Variants in LRP2 observed in about 807,000 individuals in gnomAD.
The protein encoded by LRP2 is LDL receptor related protein 2, also known as low-density lipoprotein receptor-related protein 2.
A neutral mutation model predicts 531.0 loss-of-function variants in LRP2; 172 were observed. That is an observed-to-expected ratio of 0.32 (90% confidence interval 0.29 to 0.37). The LOEUF (loss-of-function observed/expected upper bound fraction) is 0.37, where lower values mean the gene tolerates loss of function less well. LRP2 is among the 10% of genes least tolerant of loss of function. The pLI, the probability that LRP2 is intolerant of heterozygous loss-of-function variation, is 1.00. For synonymous variants in LRP2, 1,992 were observed against 2,027.6 expected (o/e 0.98, Z 0.47); for missense variants, 5,167 against 5,868.3 (o/e 0.88, Z 3.90).
intron 43 of LRP2, 148 bp from the exon 44 acceptor site, chr2:169,202,018 A>C: frequency 5.2e-6 from 5 of 953,202 alleles, no homozygotes; most frequent in Non-Finnish European, 7.9e-6. Flanking sequence ...AAAGTGAGAT[A>C]ACACTTTTAA....
In LRP2 at chr2:169,188,063, C is replaced by T. The variant is rs150220973; in HGVS notation, c.9235G>A (p.Glu3079Lys). The change falls in exon 49 of 79, where the codon GAG (glutamate) becomes AAG (lysine). Residue 3079 changes from glutamate to lysine, a missense_variant. Physicochemically the swap from Glu to Lys is moderately conservative, Grantham distance 56 (BLOSUM62 1). Coordinates refer to ENST00000649046, the MANE Select transcript of LRP2 (RefSeq NM_004525.3). ...CAGCGCCCATTGTCACACTTGAACT[C>T]GTGAGGTGGACACGTGGGTTCTGGG... The part of the protein sequence containing the change: ...HTPEPTCPPH[E>K]FKCDNGRCIE... 3 of 1,614,118 alleles carry T rather than the reference C, an allele frequency of 1.9e-6. No homozygotes were observed. Among genetic ancestry groups the T allele is most frequent in the Non-Finnish European group, 2.5e-6 (3 of 1,180,010 alleles).
intron 31 of LRP2, among the ~76,000 whole-genome samples, chr2:169,231,058 C>T (rs1343443841): frequency 2.0e-5 from 3 of 152,050 alleles, no homozygotes; most frequent in African/African-American, 7.2e-5. Flanking sequence ...CTTTGGGAGG[C>T]TAAGGCAAGT....
chr2:169,162,371 T>G, intron 63 of LRP2, 101 bp downstream of exon 63: 5 of 1,375,790 alleles, frequency 3.6e-6, no homozygotes, highest in Non-Finnish European at 5.1e-6. Context: ...AAAAGTACAT[T>G]AAGGAGAAAA....
intron 3 of LRP2, among the ~76,000 whole-genome samples, chr2:169,310,759 A>T (rs556637502): frequency 6.9e-4 from 105 of 152,150 alleles, no homozygotes; most frequent in African/African-American, 2.5e-3. Flanking sequence ...TTGATTGGAA[A>T]AGTTTCAGAA....
At chr2:169,308,255 G>T (rs188956192) in intron 3 of LRP2, among the ~76,000 whole-genome samples, 124 of 151,624 alleles carry the variant, frequency 8.2e-4, no homozygotes, top group African/African-American at 2.9e-3. Context: ...TTAAGTTCTG[G>T]GGTACATGTG....
At position 169,166,048 on chromosome 2, in the gene LRP2, A is replaced by G; in HGVS notation, c.11642T>C (p.Val3881Ala). The G allele has an allele frequency of 6.2e-7, 1 of 1,614,064 alleles. No homozygotes were observed. The highest frequency in any genetic ancestry group is 2.2e-5 in the East Asian group (1 of 44,876). ...GAAACGGTTTGGTGAATTACAGGGA[A>G]CATCCACTGAAAGGAAAGATAGAAA... ...SDEELHLCLD[V>A]PCNSPNRFRC... Residue 3881 changes from valine (V) to alanine (A), a missense_variant, in exon 62 of 79, where the codon GTT becomes GCT. By Grantham distance (64) the Val-to-Ala change is moderately conservative. Coordinates refer to ENST00000649046, the MANE Select transcript of LRP2 (RefSeq NM_004525.3).
chr2:169,240,927 G>A (rs751532032), intron 25 of LRP2, 61 bp downstream of exon 25: 7 of 1,587,716 alleles, frequency 4.4e-6, no homozygotes, highest in South Asian at 4.4e-5. Flanking sequence ...CAATGGTGAT[G>A]CACACCAGGC....
intron 76 of LRP2, among the ~76,000 whole-genome samples, chr2:169,135,234 T>C (rs572055335): frequency 9.2e-5 from 14 of 152,088 alleles, no homozygotes; most frequent in East Asian, 1.9e-4. Context: ...ATTCTACTAC[T>C]CCTCAGGAAT....
Position 169,235,622 on chromosome 2 carries a change from C to T in LRP2, c.4920+218G>A, listed in dbSNP as rs75486331. ...ATCACACGAGCTATAAAAATCCTTC[C>T]TGGATATGGCACAAGCTGACCATGA... On this transcript the variant is annotated intron_variant, in intron 29 of 78. Coordinates refer to ENST00000649046, the MANE Select transcript of LRP2 (RefSeq NM_004525.3). Among the ~76,000 whole-genome samples, 2,681 of 152,270 alleles carry T rather than the reference C, an allele frequency of 0.018. 75 individuals carry two copies. The highest frequency in any genetic ancestry group is 0.061 in the African/African-American group (2,551 of 41,520).
chr2:169,227,619 T>C (rs776370552), intron 31 of LRP2, among the ~76,000 whole-genome samples: 1 of 152,150 alleles, frequency 6.6e-6, no homozygotes, highest in African/African-American at 2.4e-5. Context: ...AAGCTAAAAA[T>C]GATGTTTTCA....
At chr2:169,297,436 A>C (rs1684159039) in intron 4 of LRP2, among the ~76,000 whole-genome samples, 1 of 152,180 alleles carries the variant, frequency 6.6e-6, no homozygotes, top group Non-Finnish European at 1.5e-5. Flanking sequence ...AAGAACACCA[A>C]GGAAACTCTT....
At chr2:169,165,597 TATTA>T in intron 62 of LRP2, among the ~76,000 whole-genome samples, 1 of 152,350 alleles carries the variant, frequency 6.6e-6, no homozygotes, top group Non-Finnish European at 1.5e-5. Context: ...AAAAATAAAC[TATTA>T]ATTTGCGAGG....
intron 68 of LRP2, among the ~76,000 whole-genome samples, chr2:169,149,175 C>T (rs961586470): frequency 1.3e-5 from 2 of 152,152 alleles, no homozygotes; most frequent in African/African-American, 4.8e-5. Context: ...ATCCTTTGTA[C>T]AATTCAAATG....
At position 169,270,887 on chromosome 2, in the gene LRP2, A is replaced by C; in HGVS notation, c.2320+17T>G. 1 of 1,609,924 alleles carries C rather than the reference A, an allele frequency of 6.2e-7. No homozygotes were observed. The highest frequency in any genetic ancestry group is 8.5e-7 in the Non-Finnish European group (1 of 1,177,084). On this transcript the variant is annotated intron_variant, in intron 16 of 78. Transcript: ENST00000649046. ...AACACGCATACACACACACACACAC[A>C]CACAAACCTTTCTCACCTGTGCCAT...
rs1322233475 is a variant in LRP2, at chr2:169,290,924, G to A, written c.843C>T (p.Ser281=). ...WSCPESGRCI[S]IYKVCDGILD... ...AAATCCCATCACAAACTTTATAAATGGAGATGCATCGTCCCGACTCTGGGC... is the reference window on the plus strand; with the variant it reads ...AAATCCCATCACAAACTTTATAAATAGAGATGCATCGTCCCGACTCTGGGC... Residue 281 remains serine (S), a synonymous_variant, in exon 8 of 79, where the codon TCC becomes TCT. Transcript: ENST00000649046. 10 of 1,613,956 alleles carry A rather than the reference G, an allele frequency of 6.2e-6. No individual in the cohort carries two copies. Among genetic ancestry groups the A allele is most frequent in the Non-Finnish European group, 8.5e-6 (10 of 1,180,004 alleles).
At chr2:169,239,264 G>A (rs557135233) in intron 26 of LRP2, among the ~76,000 whole-genome samples, 9 of 152,132 alleles carry the variant, frequency 5.9e-5, no homozygotes, top group African/African-American at 2.2e-4. Context: ...TTATATAAAA[G>A]CCATTTGGTA....
At chr2:169,288,945 A>G in intron 9 of LRP2, 81 bp downstream of exon 9, 1 of 1,604,240 alleles carries the variant, frequency 6.2e-7, no homozygotes, top group Admixed American at 1.7e-5. Context: ...CCACAAGTGC[A>G]ACCTCCTAGA....
At chr2:169,348,741 A>C (rs1685762729) in intron 1 of LRP2, among the ~76,000 whole-genome samples, 1 of 152,190 alleles carries the variant, frequency 6.6e-6, no homozygotes. Flanking sequence ...TCTGGGATGG[A>C]AGTTAAAAAG....
chr2:169,175,115 A>G lies in LRP2; in HGVS notation c.10768+78T>C, dbSNP rs181858578. On this transcript the variant is annotated intron_variant, in intron 55 of 78. Transcript: ENST00000649046. ...AACTGGTTTTTAGTTCATGATATTCAGGAAATACCCACAGAATCATGATCG... is the reference window on the plus strand; with the variant it reads ...AACTGGTTTTTAGTTCATGATATTCGGGAAATACCCACAGAATCATGATCG... The G allele has an allele frequency of 4.9e-5, 70 of 1,428,364 alleles. No homozygotes were observed. The East Asian group carries it at 1.5e-3, about 30-fold the overall frequency. The allele number at this position is 1,428,364 out of a possible 1,614,324, so 88.5% of individuals were successfully genotyped here. A position where few individuals can be genotyped will look rare whatever the true frequency, so the allele number is the denominator to read the frequency against.
Sources: gnomAD v4.1 joint callset for allele counts (sites outside exome capture counted in the v4.1 genomes callset) on GRCh38, gnomAD v4.1.1 for gene constraint, MANE v1.5 for transcripts, NCBI Gene and HGNC (gene_info 2026-07-23, HGNC 2026-07-21) for gene names.